CEP164: variants seen among roughly 807,000 people sequenced by gnomAD.
CEP164 encodes centrosomal protein of 164 kDa.
A neutral mutation model predicts 182.7 loss-of-function variants in CEP164; 162 were observed. The ratio of observed to expected loss-of-function variants is 0.89; its 90% CI spans 0.78 to 1.01. The LOEUF is 1.01. Among genes scored for constraint, CEP164 ranks in the 50% least tolerant of loss-of-function variants. The pLI, the probability that CEP164 is intolerant of heterozygous loss-of-function variation, is 0.00. For synonymous variants in CEP164, 661 were observed against 690.0 expected, an observed-to-expected ratio of 0.96 and a Z score of 0.66; for missense variants, 1,735 against 1,790.4, an observed-to-expected ratio of 0.97 and a Z score of 0.56.
chr11:117,359,019 A>C (rs1241310674), intron 5 of CEP164, among the ~76,000 whole-genome samples: 1 of 150,212 alleles, frequency 6.7e-6, no homozygotes, highest in African/African-American at 2.5e-5. Context: ...ATGTCACCTC[A>C]CTGCAACCTC....
intron 1 of CEP164, among the ~76,000 whole-genome samples, chr11:117,333,384 C>T (rs918893319): frequency 6.6e-6 from 1 of 152,164 alleles, no homozygotes; most frequent in African/African-American, 2.4e-5. Context: ...TCTTACCTAG[C>T]CTAGCTCATG....
intron 11 of CEP164, 110 bp downstream of exon 11, chr11:117,375,901 C>A: frequency 1.1e-6 from 1 of 877,020 alleles, no homozygotes; most frequent in South Asian, 1.5e-5. Flanking sequence ...TCTGTAAGTC[C>A]TCTCCCTTCT....
At chr11:117,363,350 A>C (rs2041228379) in intron 7 of CEP164, 79 bp from the exon 8 acceptor site, 14 of 1,033,978 alleles carry the variant, frequency 1.4e-5, no homozygotes, top group Admixed American at 1.8e-5. Flanking sequence ...GCAGTGCCCC[A>C]CTTTTCCCTC....
At chr11:117,410,351 G>A (rs1002214573) in intron 30 of CEP164, 1 of 317,598 alleles carries the variant, frequency 3.1e-6, no homozygotes, top group South Asian at 4.0e-5. Flanking sequence ...TTTTCATTTA[G>A]TTCTTAATTC....
At position 117,382,901 on chromosome 11, in the gene CEP164, G is replaced by T. The variant is rs1432635492; in HGVS notation, c.1683G>T (p.Glu561Asp). 1 of 1,613,638 alleles carries T rather than the reference G, an allele frequency of 6.2e-7. No homozygotes were observed. The highest frequency in any genetic ancestry group is 8.5e-7 in the Non-Finnish European group (1 of 1,179,974). The stretch of plus-strand genomic sequence containing the variant: ...AGGAAGAGGCAGAGGATCCTGAGGA[G>T]AAGGTGGCGGTCAGCCCCACCCCGC... The part of the protein sequence containing the change: ...PGQEEAEDPE[E>D]KVAVSPTPPV... Residue 561 changes from glutamate (E) to aspartate (D), a missense_variant, in exon 14 of 33, where the codon GAG becomes GAT. Physicochemically the swap from Glu to Asp is conservative, Grantham distance 45. Coordinates refer to ENST00000278935, the MANE Select transcript of CEP164 (RefSeq NM_014956.5).
chr11:117,378,405 TG>T (rs1398517528), intron 11 of CEP164, among the ~76,000 whole-genome samples: 1 of 152,244 alleles, frequency 6.6e-6, no homozygotes, highest in African/African-American at 2.4e-5. Flanking sequence ...CTAAACTGCA[TG>T]GTGATGTGCT....
Position 117,409,675 on chromosome 11 carries a change from G to A in CEP164, c.3806G>A (p.Arg1269Gln), listed in dbSNP as rs150963269. Residue 1269 changes from arginine (R) to glutamine (Q), a missense_variant, in exon 30 of 33, where the codon CGG becomes CAG. Arg to Gln is a conservative substitution (Grantham distance 43). Transcript: ENST00000278935. The surrounding 1 kb of genome is among the most constrained non-coding windows in gnomAD (Gnocchi z 4.4). Reference protein sequence around the residue: ...RKIHGLSHSLRQISSQLSSVL... With the variant: ...RKIHGLSHSLQQISSQLSSVL... ...ATCCACGGGCTTAGCCACTCCCTCC[G>A]GCAGATCAGCAGCCAGCTGAGCAGT... 1.6e-4 allele frequency: 265 copies of A among 1,613,920 alleles called. 1 individual carries two copies. The African/African-American group carries it at 2.6e-3, about 16-fold the overall frequency.
Position 117,394,992 on chromosome 11 carries a change from C to T in CEP164, c.2833C>T (p.Leu945=), listed in dbSNP as rs778961671. 7 of 1,614,186 alleles carry T rather than the reference C, an allele frequency of 4.3e-6. No homozygotes were observed. The highest frequency in any genetic ancestry group is 5.9e-6 in the Non-Finnish European group (7 of 1,180,018). The stretch of plus-strand genomic sequence containing the variant: ...AGATGTCAAGGCCAGATTGGCTCTG[C>T]TGGAGGTCCAGGTGAGGGATCTGCA... ...AKDVKARLAL[L]EVQEETARRE... is the part of the protein sequence containing the mutation. The change falls in exon 22 of 33, where the codon CTG becomes TTG. Residue 945 remains leucine, a synonymous_variant. Transcript: ENST00000278935. This position sits in a 1 kb window ranked among gnomAD's most constrained non-coding sequence, Gnocchi z 4.0.
chr11:117,397,199 A>G lies in CEP164; in HGVS notation c.3387A>G (p.Thr1129=), dbSNP rs2136502466. 6.2e-7 allele frequency: 1 copy of G among 1,614,252 alleles called. No homozygotes were observed. Among genetic ancestry groups the G allele is most frequent in the Non-Finnish European group, 8.5e-7 (1 of 1,180,038 alleles). ...QQTRSMRRRQ[T]ALKAAQQHWR... is the part of the protein sequence containing the mutation. The stretch of plus-strand genomic sequence containing the variant: ...CACGCTCCATGCGGAGGCGGCAGAC[A>G]GCTCTGAAAGCTGCCCAGCAGCATT... Residue 1129 remains threonine (T), a synonymous_variant, in exon 27 of 33, where the codon ACA becomes ACG. Coordinates refer to ENST00000278935, the MANE Select transcript of CEP164 (RefSeq NM_014956.5).
chr11:117,386,364 TTC>T (rs1327955395), intron 14 of CEP164: 3 of 152,238 alleles, frequency 2.0e-5, no homozygotes. Context: ...CTTTGGGCAT[TTC>T]GTTGAAGAAC....
intron 5 of CEP164, among the ~76,000 whole-genome samples, chr11:117,361,143 C>G: frequency 6.6e-6 from 1 of 150,898 alleles, no homozygotes; most frequent in Non-Finnish European, 1.5e-5. Context: ...CCATGTTGGC[C>G]AGGCTGGTCT....
At chr11:117,395,758 G>A in intron 24 of CEP164, 36 bp downstream of exon 24, 4 of 1,576,660 alleles carry the variant, frequency 2.5e-6, no homozygotes, top group Non-Finnish European at 3.4e-6. Context: ...CCTGCTGGCT[G>A]CCTCCTGCCT....
At chr11:117,371,545 C>G (rs2042192619) in intron 9 of CEP164, 79 bp downstream of exon 9, 1 of 1,494,564 alleles carries the variant, frequency 6.7e-7, no homozygotes, top group Non-Finnish European at 8.9e-7. Context: ...GGTCCTATCC[C>G]CACATCTTTA....
intron 12 of CEP164, 48 bp downstream of exon 12, chr11:117,380,753 G>A (rs2043227422): frequency 6.5e-7 from 1 of 1,526,992 alleles, no homozygotes; most frequent in African/African-American, 1.4e-5. Flanking sequence ...TCAGGGTGGT[G>A]TGGACTTGGG....
upstream of CEP164, among the ~76,000 whole-genome samples, chr11:117,326,618 T>A (rs1451507953): frequency 1.3e-5 from 2 of 152,190 alleles, no homozygotes; most frequent in African/African-American, 2.4e-5. Flanking sequence ...CCTCTCTTCA[T>A]GGTCTTCCCT....
At chr11:117,334,112 C>G (rs891157904) in intron 1 of CEP164, among the ~76,000 whole-genome samples, 14 of 152,174 alleles carry the variant, frequency 9.2e-5, no homozygotes, top group Non-Finnish European at 1.9e-4. Context: ...ATTGGTTTGT[C>G]TCCCTCCCTT....
chr11:117,361,747 T>C, intron 5 of CEP164, 88 bp from the exon 6 acceptor site: 1 of 1,378,698 alleles, frequency 7.3e-7, no homozygotes, highest in South Asian at 1.2e-5. Context: ...GCGTGCAGGA[T>C]TTAGATGTTT....
chr11:117,354,924 C>T, intron 5 of CEP164: 1 of 1,272,234 alleles, frequency 7.9e-7, no homozygotes, highest in Non-Finnish European at 1.0e-6. Context: ...GTTTATATAC[C>T]CATCTAGGAA....
chr11:117,323,772 T>C, upstream of CEP164: 1 of 256,362 alleles, frequency 3.9e-6, no homozygotes, highest in Non-Finnish European at 8.2e-6. Context: ...TTTGTCTGTT[T>C]TATTGTAGCC....
Sources: allele counts gnomAD v4.1 joint callset (sites outside exome capture counted in the v4.1 genomes callset), GRCh38; gene constraint gnomAD v4.1.1; non-coding constraint Gnocchi (gnomAD v3.1); transcripts MANE v1.5; gene names NCBI Gene and HGNC (gene_info 2026-07-23, HGNC 2026-07-21).